SUCO: variants seen among roughly 807,000 people sequenced by gnomAD.
The protein encoded by SUCO is SUN domain containing ossification factor, also known as SUN domain-containing ossification factor.
In SUCO, 57 loss-of-function variants were observed where a neutral mutation model predicts 148.1. The ratio of observed to expected loss-of-function variants is 0.38; its 90% CI spans 0.31 to 0.48. The LOEUF (loss-of-function observed/expected upper bound fraction) is 0.48. Among genes scored for constraint, SUCO ranks in the 20% least tolerant of loss-of-function variants. The probability of loss-of-function intolerance (pLI) is 0.96; values close to 1 mark genes in which losing one functional copy is unlikely to be tolerated. For synonymous variants in SUCO, 470 were observed against 502.7 expected (o/e 0.93, Z 0.87); for missense variants, 1,331 against 1,468.2 (o/e 0.91, Z 1.53).
At chr1:172,564,484 C>T (rs1654416526) in intron 6 of SUCO, among the ~76,000 whole-genome samples, 2 of 152,168 alleles carry the variant, frequency 1.3e-5, no homozygotes, top group South Asian at 4.1e-4. Context: ...TCTCTTTCTC[C>T]TGCGCCACCA....
chr1:172,602,700 TTCTCTTCCTATGATGATATGA>T lies in SUCO; in HGVS notation c.3179_3199del (p.Phe1060_Asn1067delinsTyr). 1 of 1,612,300 alleles carries T rather than the reference TTCTCTTCCTATGATGATATGA, an allele frequency of 6.2e-7. No homozygotes were observed. Among genetic ancestry groups the T allele is most frequent in the Non-Finnish European group, 8.5e-7 (1 of 1,179,462 alleles). ...GTATTTTTCCTAATGTGTTAGGTGT[TTCTCTTCCTATGATGATATGA>T]ATTTGAAAAGAAGAACTTCATTCCC... On this transcript the variant is annotated inframe_deletion, in exon 22 of 24. Transcript: ENST00000263688.
At chr1:172,532,685 C>T (rs1185840409), upstream of SUCO, 1 of 1,613,756 alleles carries the variant, frequency 6.2e-7, no homozygotes, top group Non-Finnish European at 8.5e-7. Context: ...CTATAGACTT[C>T]TCTAACAAAA....
chr1:172,585,940 ATC>A lies in SUCO; in HGVS notation c.1653_1654del (p.Pro552Ter). 6.2e-7 allele frequency: 1 copy of A among 1,601,046 alleles called. No individual in the cohort carries two copies. Among genetic ancestry groups the A allele is most frequent in the Non-Finnish European group, 8.5e-7 (1 of 1,170,512 alleles). ...CAACTCCTGTTTCAACTCCTGTTCCATCTCCTGAGTAAGTTATAATGTGATAT... is the reference window on the plus strand; with the variant it reads ...CAACTCCTGTTTCAACTCCTGTTCCATCCTGAGTAAGTTATAATGTGATAT... The part of the protein sequence containing the change: ...ESTPVSTPVP[S>X]PEYVTTEVHT... On this transcript the variant is annotated frameshift_variant, in exon 17 of 24. Transcript: ENST00000263688. LOFTEE classifies it high-confidence loss of function.
At chr1:172,554,247 C>A (rs1050583659) in intron 3 of SUCO, among the ~76,000 whole-genome samples, 1 of 152,158 alleles carries the variant, frequency 6.6e-6, no homozygotes, top group African/African-American at 2.4e-5. Flanking sequence ...AAAAATGATA[C>A]TTGTAGCCCT....
At chr1:172,565,196 T>C (rs953021443) in intron 6 of SUCO, among the ~76,000 whole-genome samples, 1 of 152,200 alleles carries the variant, frequency 6.6e-6, no homozygotes, top group Non-Finnish European at 1.5e-5. Flanking sequence ...CCTGACTTGC[T>C]GGAGAACCTA....
chr1:172,568,309 A>ACCCACC, intron 6 of SUCO: 1 of 396,784 alleles, frequency 2.5e-6, no homozygotes, highest in Non-Finnish European at 3.2e-6. Context: ...TTTGCTTCCC[A>ACCCACC]CCCACCCCAT....
intron 2 of SUCO, chr1:172,552,709 C>G: frequency 1.2e-6 from 1 of 845,358 alleles, no homozygotes; most frequent in Non-Finnish European, 1.4e-6. Context: ...TTGATTTAAT[C>G]CCCCTTTTGA....
chr1:172,602,271 AT>A, intron 21 of SUCO, 53 bp downstream of exon 21: 1 of 1,465,406 alleles, frequency 6.8e-7, no homozygotes, highest in Non-Finnish European at 9.1e-7. Context: ...TGCTTTGTAT[AT>A]TTTTGAGAAA....
chr1:172,535,035 T>G (rs1280195387), intron 1 of SUCO, among the ~76,000 whole-genome samples: 1 of 152,204 alleles, frequency 6.6e-6, no homozygotes, highest in Admixed American at 6.5e-5. Flanking sequence ...ATTTGTAAAT[T>G]TAAGTTAACT....
rs1653853220 is a variant in SUCO at position 172,557,701 on chromosome 1, A to G, written c.639A>G (p.Thr213=). ...CTTCACATGGTAAAGGAAAGATAACAAAATCAGAATTTGAATCAAAAGTTT... is the reference window on the plus strand; with the variant it reads ...CTTCACATGGTAAAGGAAAGATAACGAAATCAGAATTTGAATCAAAAGTTT... ...VSSSHGKGKI[T]KSEFESKVSA... Residue 213 remains threonine, a synonymous_variant, in exon 6 of 24, where the codon ACA becomes ACG. Coordinates refer to ENST00000263688, the MANE Select transcript of SUCO (RefSeq NM_014283.5). 8.7e-6 allele frequency: 14 copies of G among 1,613,388 alleles called. No individual in the cohort carries two copies. In the East Asian group the frequency reaches 3.1e-4, roughly 36 times the overall value.
intron 6 of SUCO, among the ~76,000 whole-genome samples, chr1:172,558,933 A>T (rs1653940606): frequency 6.6e-6 from 1 of 152,232 alleles, no homozygotes; most frequent in Non-Finnish European, 1.5e-5. Flanking sequence ...AGTCTATGCT[A>T]ATCGGCAAAA....
chr1:172,590,851 T>G (rs1050517836), intron 18 of SUCO, 133 bp from the exon 19 acceptor site: 15 of 591,224 alleles, frequency 2.5e-5, no homozygotes, highest in Non-Finnish European at 4.5e-5. Context: ...AGAATTGTAT[T>G]GCATAGGCCT....
At chr1:172,549,012 A>G (rs368626308) in intron 1 of SUCO, among the ~76,000 whole-genome samples, 2 of 151,894 alleles carry the variant, frequency 1.3e-5, no homozygotes, top group African/African-American at 4.8e-5. Context: ...TTAGGTGCAT[A>G]TATATTTGTA....
At position 172,563,806 on chromosome 1, in the gene SUCO, A is replaced by G. The variant is rs553643960; in HGVS notation, c.733-5213A>G. 1.6e-4 allele frequency among the ~76,000 whole-genome samples: 24 copies of G among 152,352 alleles called. No individual in the cohort carries two copies. The South Asian group carries it at 4.6e-3, about 29-fold the overall frequency. ...AAAGTGGGGGAAATGCTTTTAGGGC[A>G]TTTCAGGCACCTTCATGGCAGCCCC... On this transcript the variant is annotated intron_variant, in intron 6 of 23. Transcript: ENST00000263688.
chr1:172,596,518 G>A (rs553344175), intron 19 of SUCO, among the ~76,000 whole-genome samples: 1 of 152,332 alleles, frequency 6.6e-6, no homozygotes, highest in African/African-American at 2.4e-5. Context: ...AGGACCCTCA[G>A]CTGCAGGTCT....
rs530509963 is a variant in SUCO at position 172,555,513 on chromosome 1, A to T, written c.289-356A>T. Among the ~76,000 whole-genome samples, 20 of 152,174 alleles carry T rather than the reference A, an allele frequency of 1.3e-4. 1 individual carries two copies. Among genetic ancestry groups the T allele is most frequent in the Non-Finnish European group, 1.3e-4 (9 of 68,024 alleles). ...CCTAAACTGCTCAGGGTCAAGAACT[A>T]TGTATTGTACTGTTTTGTACATGTC... is the stretch of plus-strand genomic sequence containing the variant. On this transcript the variant is annotated intron_variant, in intron 3 of 23. Transcript: ENST00000263688.
At chr1:172,602,496 G>T in intron 21 of SUCO, 200 bp from the exon 22 acceptor site, 1 of 982,490 alleles carries the variant, frequency 1.0e-6, no homozygotes, top group Non-Finnish European at 1.2e-6. Context: ...AGGAAGAAGA[G>T]AATACTATTT....
At chr1:172,576,934 T>C (rs746170812) in intron 11 of SUCO, 6 of 709,948 alleles carry the variant, frequency 8.5e-6, no homozygotes, top group Non-Finnish European at 1.0e-5. Flanking sequence ...CCAAATCTAC[T>C]ACTTTTTAAT....
intron 1 of SUCO, among the ~76,000 whole-genome samples, chr1:172,536,688 A>G (rs1458715875): frequency 1.3e-5 from 2 of 152,200 alleles, no homozygotes; most frequent in South Asian, 2.1e-4. Context: ...TTACCTTACA[A>G]TTCTGTGGAT....
Sources: allele counts gnomAD v4.1 joint callset (sites outside exome capture counted in the v4.1 genomes callset), GRCh38; gene constraint gnomAD v4.1.1; transcripts MANE v1.5; gene names NCBI Gene and HGNC (gene_info 2026-07-23, HGNC 2026-07-21).